The following AKR7A2 variants were observed in gnomAD, a reference collection of about 807,000 sequenced individuals.
AKR7A2 encodes aldo-keto reductase family 7 member A2.
Under a neutral mutation model 37.3 loss-of-function variants are expected in AKR7A2, and 29 were observed. The ratio of observed to expected loss-of-function variants is 0.78; its 90% CI spans 0.58 to 1.06. The LOEUF is 1.06. AKR7A2 is among the 50% of genes least tolerant of loss of function. The pLI, the probability that AKR7A2 is intolerant of heterozygous loss-of-function variation, is 0.00. For missense variants in AKR7A2, 529 were observed against 497.9 expected (o/e 1.06, Z -0.59); for synonymous variants, 228 against 217.8 (o/e 1.05, Z -0.41).
rs1229513515 is a variant in AKR7A2 at position 19,307,078 on chromosome 1, T to C, written c.712A>G (p.Lys238Glu). ...LAGGLLTGKY[K>E]YEDKDGKQPV... Reference sequence around the variant, plus strand: ...TGTTTCCCGTCCTTGTCCTCATACTTGTACTTGCCAGTCAGCAGGCCCCCT... The same window carrying C: ...TGTTTCCCGTCCTTGTCCTCATACTCGTACTTGCCAGTCAGCAGGCCCCCT... The change falls in exon 5 of 7, where the codon AAG becomes GAG. Residue 238 changes from lysine to glutamate, a missense_variant. Lys to Glu is a moderately conservative substitution (Grantham distance 56). Coordinates refer to ENST00000235835, the MANE Select transcript of AKR7A2 (RefSeq NM_003689.4). The C allele has an allele frequency of 6.2e-7, 1 of 1,614,124 alleles. No individual in the cohort carries two copies. Among genetic ancestry groups the C allele is most frequent in the East Asian group, 2.2e-5 (1 of 44,896 alleles).
At chr1:19,307,692 C>T in intron 3 of AKR7A2, 1 of 549,800 alleles carries the variant, frequency 1.8e-6, no homozygotes, top group Non-Finnish European at 3.3e-6. Flanking sequence ...GATGTTTACT[C>T]AAGTTTAAAA....
chr1:19,308,084 A>C (rs756487457), intron 3 of AKR7A2, 74 bp downstream of exon 3: 1 of 1,579,806 alleles, frequency 6.3e-7, no homozygotes, highest in East Asian at 2.2e-5. Context: ...CACAGGGGGC[A>C]GTCAGGGGGG....
intron 1 of AKR7A2, among the ~76,000 whole-genome samples, chr1:19,311,059 T>C (rs942809301): frequency 1.3e-5 from 2 of 152,172 alleles, no homozygotes; most frequent in Non-Finnish European, 2.9e-5. Context: ...TGTTCCTTTC[T>C]CTTGTTCTCC....
rs1558138253 is a variant in AKR7A2, at chr1:19,306,119, T to A, written c.817A>T (p.Ile273Phe). 6.2e-7 allele frequency: 1 copy of A among 1,614,180 alleles called. No homozygotes were observed. Among genetic ancestry groups the A allele is most frequent in the Non-Finnish European group, 8.5e-7 (1 of 1,180,008 alleles). Residue 273 changes from isoleucine to phenylalanine, a missense_variant, in exon 6 of 7, where the codon ATT (isoleucine) becomes TTT (phenylalanine). Physicochemically the swap from Ile to Phe is conservative, Grantham distance 21. Coordinates refer to ENST00000235835, the MANE Select transcript of AKR7A2 (RefSeq NM_003689.4). ...TGCAGGGCCTTCTCCACCAACGCAA[T>A]GGCCTCGAAGTGGTGCTCCTTCCAG... ...RFWKEHHFEA[I>F]ALVEKALQAA... is the part of the protein sequence containing the mutation.
intron 1 of AKR7A2, among the ~76,000 whole-genome samples, chr1:19,311,035 T>C (rs2093773400): frequency 6.6e-6 from 1 of 152,212 alleles, no homozygotes; most frequent in Non-Finnish European, 1.5e-5. Context: ...ACCAAGTCTT[T>C]GCACAGACTC....
rs2093777425 is a variant in AKR7A2, at chr1:19,311,930, C to T, written c.195G>A (p.Glu65=). 1.2e-6 allele frequency: 2 copies of T among 1,607,362 alleles called. No individual in the cohort carries two copies. The highest frequency in any genetic ancestry group is 1.1e-5 in the South Asian group (1 of 90,544). ...CCGTGTCCAGTTCGGTGTGGCCGCGCTCCAGAAAGGCGCGCACGGCCGCGG... is the reference window on the plus strand; with the variant it reads ...CCGTGTCCAGTTCGGTGTGGCCGCGTTCCAGAAAGGCGCGCACGGCCGCGG... The part of the protein sequence containing the change: ...ASAAAVRAFL[E]RGHTELDTAF... The change falls in exon 1 of 7, where the codon GAG becomes GAA. Residue 65 remains glutamate, a synonymous_variant. Coordinates refer to ENST00000235835, the MANE Select transcript of AKR7A2 (RefSeq NM_003689.4).
At position 19,306,994 on chromosome 1, in the gene AKR7A2, C is replaced by T. The variant is rs757967137; in HGVS notation, c.788+8G>A. The T allele has an allele frequency of 8.1e-6, 13 of 1,613,764 alleles. No homozygotes were observed. In the East Asian group the frequency reaches 8.9e-5, roughly 11 times the overall value. ...CAGCCATCCTCACCAAGCCCACCCC[C>T]GGCTCACCGATTCCTGTAGGTCTCA... On this transcript the variant is annotated splice_region_variant and intron_variant, in intron 5 of 6. Transcript: ENST00000235835.
intron 1 of AKR7A2, among the ~76,000 whole-genome samples, chr1:19,311,597 G>A (rs919910462): frequency 2.0e-5 from 3 of 152,060 alleles, no homozygotes; most frequent in East Asian, 1.9e-4. Flanking sequence ...CAGGCTGGGG[G>A]GAGACTCTCG....
intron 6 of AKR7A2, 148 bp downstream of exon 6, chr1:19,305,870 T>C: frequency 7.5e-7 from 1 of 1,335,698 alleles, no homozygotes; most frequent in Non-Finnish European, 1.1e-6. Flanking sequence ...TCAGATACCA[T>C]CAAAGACCAG....
rs374217310 is a variant in AKR7A2, at chr1:19,308,566, C to T, written c.375G>A (p.Thr125=). 1.2e-5 allele frequency: 20 copies of T among 1,614,086 alleles called. No individual in the cohort carries two copies. Among genetic ancestry groups the T allele is most frequent in the Middle Eastern group, 1.6e-4 (1 of 6,084 alleles). ...GGGGACACTGCAGCCTCTTCAATGA[C>T]GTCTCCAGCTGGGACCGGACACTGT... ...KPDSVRSQLE[T]SLKRLQCPQV... is the part of the protein sequence containing the mutation. Residue 125 remains threonine (T), a synonymous_variant, in exon 2 of 7, where the codon ACG becomes ACA. Transcript: ENST00000235835.
intron 2 of AKR7A2, 37 bp downstream of exon 2, chr1:19,308,418 C>T (rs1356886812): frequency 1.2e-6 from 2 of 1,609,172 alleles, no homozygotes; most frequent in Non-Finnish European, 1.7e-6. Flanking sequence ...AAGAAAGGAG[C>T]AGGAGCCCAC....
intron 6 of AKR7A2, among the ~76,000 whole-genome samples, chr1:19,304,751 C>G (rs557262014): frequency 2.0e-4 from 30 of 152,186 alleles, no homozygotes; most frequent in African/African-American, 7.2e-4. Context: ...GCCTGGGCAA[C>G]AGAGAGAGAC....
In AKR7A2 at chr1:19,304,316, G is replaced by A. The variant is rs751436824; in HGVS notation, c.989C>T (p.Thr330Ile). ...AGCCGGCTCCAGGGGCCCTTCCTCT[G>A]TTGCTGCCAAGTTCTGCTCCAGCTG... ...LEQLEQNLAA[T>I]EEGPLEPAVV... Residue 330 changes from threonine to isoleucine, a missense_variant, in exon 7 of 7, where the codon ACA becomes ATA. Transcript: ENST00000235835. The A allele has an allele frequency of 1.2e-6, 2 of 1,614,134 alleles. No homozygotes were observed. The highest frequency in any genetic ancestry group is 2.2e-5 in the South Asian group (2 of 91,082).
intron 1 of AKR7A2, among the ~76,000 whole-genome samples, chr1:19,309,477 T>A (rs1440671200): frequency 1.3e-5 from 2 of 152,188 alleles, no homozygotes; most frequent in Non-Finnish European, 2.9e-5. Flanking sequence ...AGAATGTAAT[T>A]ATAATTCTCC....
intron 1 of AKR7A2, among the ~76,000 whole-genome samples, chr1:19,310,938 C>A (rs551328842): frequency 6.6e-6 from 1 of 152,298 alleles, no homozygotes; most frequent in South Asian, 2.1e-4. Flanking sequence ...GCACCAGGCT[C>A]ACGAGGGACA....
At chr1:19,303,315 C>G (rs914833924), downstream of AKR7A2, among the ~76,000 whole-genome samples, 3 of 152,142 alleles carry the variant, frequency 2.0e-5, no homozygotes, top group Admixed American at 6.5e-5. Context: ...CAGGTTGGGC[C>G]TCTTTCATTG....
chr1:19,309,145 C>CA (rs1362616068), intron 1 of AKR7A2, among the ~76,000 whole-genome samples: 2 of 151,862 alleles, frequency 1.3e-5, no homozygotes, highest in African/African-American at 2.4e-5. Flanking sequence ...GTCAAAGAGG[C>CA]AAAAAAACAC....
chr1:19,302,956 G>T (rs182500702), downstream of AKR7A2, among the ~76,000 whole-genome samples: 1 of 152,106 alleles, frequency 6.6e-6, no homozygotes, highest in African/African-American at 2.4e-5. Context: ...GGCTCTCAAC[G>T]TGCTGGGATT....
chr1:19,307,716 AG>A, intron 3 of AKR7A2: 1 of 525,078 alleles, frequency 1.9e-6, no homozygotes, highest in Non-Finnish European at 3.4e-6. Flanking sequence ...TAGACAAGGA[AG>A]GCAGTTAATT....
Sources: allele counts gnomAD v4.1 joint callset (sites outside exome capture counted in the v4.1 genomes callset), GRCh38; gene constraint gnomAD v4.1.1; transcripts MANE v1.5; gene names NCBI Gene and HGNC (gene_info 2026-07-23, HGNC 2026-07-21).